The following RCBTB1 variants were observed in gnomAD, a reference collection of about 807,000 sequenced individuals.
RCBTB1 encodes the protein RCC1 and BTB domain-containing protein 1.
In RCBTB1, 46 loss-of-function variants were observed where a neutral mutation model predicts 62.4. The ratio of observed to expected loss-of-function variants is 0.74; its 90% confidence interval spans 0.58 to 0.94. The LOEUF (loss-of-function observed/expected upper bound fraction) is 0.94. RCBTB1 is among the 40% of genes least tolerant of loss of function. The pLI is 0.00. For missense variants in RCBTB1, 565 were observed against 654.9 expected (o/e 0.86, Z 1.50); for synonymous variants, 222 against 245.8 (o/e 0.90, Z 0.91).
chr13:49,570,476 G>A (rs1434069561), intron 2 of RCBTB1, among the ~76,000 whole-genome samples: 1 of 152,234 alleles, frequency 6.6e-6, no homozygotes, highest in East Asian at 1.9e-4. Flanking sequence ...AGGCTTGGTA[G>A]GGTGGTAACA....
At chr13:49,555,944 G>A (rs568826563) in intron 5 of RCBTB1, among the ~76,000 whole-genome samples, 1 of 152,236 alleles carries the variant, frequency 6.6e-6, no homozygotes, top group East Asian at 1.9e-4. Context: ...AGGTACCAAA[G>A]CTGGTAAGTA....
intron 4 of RCBTB1, among the ~76,000 whole-genome samples, chr13:49,563,259 G>A (rs529273684): frequency 7.0e-6 from 1 of 142,606 alleles, no homozygotes; most frequent in Non-Finnish European, 1.5e-5. Flanking sequence ...AAATGAGGTG[G>A]GAAGATCGCT....
At chr13:49,537,720 T>C (rs1960043795) in intron 12 of RCBTB1, 1 of 152,246 alleles carries the variant, frequency 6.6e-6, no homozygotes, top group Admixed American at 6.5e-5. Flanking sequence ...TGAAACAATG[T>C]TTTATCCACA....
At chr13:49,553,709 A>G (rs1566235690) in intron 6 of RCBTB1, among the ~76,000 whole-genome samples, 1 of 152,180 alleles carries the variant, frequency 6.6e-6, no homozygotes, top group Admixed American at 6.5e-5. Context: ...TCAGGGTAAC[A>G]TGATGGAGCG....
chr13:49,566,803 G>C (rs752238648), intron 3 of RCBTB1, 35 bp from the exon 4 acceptor site: 1 of 1,572,622 alleles, frequency 6.4e-7, no homozygotes, highest in Non-Finnish European at 8.6e-7. Context: ...TGAGTCTTTT[G>C]ACCGAAAGCT....
At chr13:49,583,050 A>C (rs1235714766) in intron 1 of RCBTB1, among the ~76,000 whole-genome samples, 1 of 152,112 alleles carries the variant, frequency 6.6e-6, no homozygotes, top group Non-Finnish European at 1.5e-5. Flanking sequence ...GGTGGTGCGC[A>C]CCTGTGGTCC....
chr13:49,560,567 C>T (rs1962354953), intron 4 of RCBTB1, among the ~76,000 whole-genome samples: 2 of 151,396 alleles, frequency 1.3e-5, no homozygotes, highest in African/African-American at 4.9e-5. Flanking sequence ...CTCAGGGCTT[C>T]TTTGAAGCAG....
intron 9 of RCBTB1, chr13:49,546,169 T>G (rs2139153822): frequency 2.0e-6 from 2 of 985,384 alleles, no homozygotes; most frequent in East Asian, 2.3e-4. Flanking sequence ...TTCTCATCAG[T>G]GCTTCAACTT....
chr13:49,549,061 G>A (rs1287865337), intron 9 of RCBTB1, among the ~76,000 whole-genome samples: 1 of 134,994 alleles, frequency 7.4e-6, no homozygotes, highest in Non-Finnish European at 1.5e-5. Flanking sequence ...GAACTCGGGA[G>A]GTGGAGGTTG....
At chr13:49,584,950 A>C (rs554209284) in intron 1 of RCBTB1, among the ~76,000 whole-genome samples, 36 of 152,288 alleles carry the variant, frequency 2.4e-4, no homozygotes, top group Non-Finnish European at 1.5e-4. Context: ...CCTCACTAAC[A>C]AAATCCCTGC....
intron 5 of RCBTB1, among the ~76,000 whole-genome samples, chr13:49,559,272 C>T (rs1239793889): frequency 6.6e-6 from 1 of 152,162 alleles, no homozygotes; most frequent in South Asian, 2.1e-4. Flanking sequence ...GGATATTATG[C>T]TAAGTGAGAT....
intron 4 of RCBTB1, among the ~76,000 whole-genome samples, chr13:49,563,247 A>T (rs1594313618): frequency 6.6e-6 from 1 of 150,844 alleles, no homozygotes; most frequent in African/African-American, 2.4e-5. Flanking sequence ...AAAAAAATTT[A>T]AAAATGAGGT....
chr13:49,562,674 G>A (rs1228043362), intron 4 of RCBTB1, among the ~76,000 whole-genome samples: 1 of 151,220 alleles, frequency 6.6e-6, no homozygotes, highest in Non-Finnish European at 1.5e-5. Context: ...GTGCAGTGGC[G>A]CAATCATAGC....
chr13:49,544,749 A>T lies in RCBTB1; in HGVS notation c.1160T>A (p.Val387Asp). 6.2e-7 allele frequency: 1 copy of T among 1,610,506 alleles called. No individual in the cohort carries two copies. Among genetic ancestry groups the T allele is most frequent in the Non-Finnish European group, 8.5e-7 (1 of 1,178,564 alleles). Residue 387 changes from valine to aspartate, a missense_variant, in exon 10 of 13, where the codon GTT (valine) becomes GAT (aspartate). Transcript: ENST00000378302. ...DGKYIHVHKA[V>D]LKIRCEHFRS... ...CATGCAAAAATACCTGATTTTCAAAACAGCTTTATGGACATGAATATATTT... is the reference window on the plus strand; with the variant it reads ...CATGCAAAAATACCTGATTTTCAAATCAGCTTTATGGACATGAATATATTT...
At chr13:49,546,397 A>C (rs986684599) in intron 9 of RCBTB1, 3 of 979,634 alleles carry the variant, frequency 3.1e-6, no homozygotes, top group Non-Finnish European at 3.6e-6. Flanking sequence ...GCAGTCCCCA[A>C]CCTTTTTGGT....
chr13:49,539,806 C>G (rs1052645063), intron 12 of RCBTB1, among the ~76,000 whole-genome samples: 2 of 152,128 alleles, frequency 1.3e-5, no homozygotes, highest in Non-Finnish European at 2.9e-5. Context: ...CTACATTTGA[C>G]CTTATCAAAT....
intron 4 of RCBTB1, among the ~76,000 whole-genome samples, 162 bp from the exon 5 acceptor site, chr13:49,560,246 T>C (rs765377368): frequency 5.9e-5 from 9 of 152,184 alleles, no homozygotes; most frequent in African/African-American, 1.9e-4. Context: ...GAGAGAGAGA[T>C]GGGTGACAGA....
intron 2 of RCBTB1, among the ~76,000 whole-genome samples, chr13:49,577,589 T>G (rs1963860796): frequency 6.6e-6 from 1 of 152,206 alleles, no homozygotes; most frequent in East Asian, 1.9e-4. Context: ...AGATCTGGCT[T>G]CTACTGACCT....
In RCBTB1 at chr13:49,567,187, G is replaced by A. The variant is rs764173443; in HGVS notation, c.93C>T (p.Ala31=). ...TGTCAGTAACGTACAGTGCTTCACT[G>A]GCTGAGGTGCCGAAGACACACGCCT... ...IRKACVFGTS[A]SEALYVTDND... Residue 31 remains alanine (A), a synonymous_variant, in exon 3 of 13, where the codon GCC becomes GCT. Transcript: ENST00000378302. The A allele has an allele frequency of 6.2e-7, 1 of 1,613,998 alleles. No homozygotes were observed. Among genetic ancestry groups the A allele is most frequent in the South Asian group, 1.1e-5 (1 of 91,076 alleles).
Sources: gnomAD v4.1 joint callset for allele counts (sites outside exome capture counted in the v4.1 genomes callset) on GRCh38, gnomAD v4.1.1 for gene constraint, MANE v1.5 for transcripts, NCBI Gene and HGNC (gene_info 2026-07-23, HGNC 2026-07-21) for gene names.